The following FSTL5 variants were observed in gnomAD, a reference collection of about 807,000 sequenced individuals.
FSTL5 encodes the protein follistatin like 5.
In FSTL5, 62 loss-of-function variants were observed where a neutral mutation model predicts 89.1. The observed-to-expected ratio is 0.70, with a 90% CI of 0.57 to 0.86. FSTL5 has a LOEUF of 0.86. Among genes scored for constraint, FSTL5 ranks in the 40% least tolerant of loss-of-function variants. The probability of loss-of-function intolerance (pLI) is 0.00; values close to 1 mark genes in which losing one functional copy is unlikely to be tolerated. For synonymous variants in FSTL5, 383 were observed against 346.2 expected, an observed-to-expected ratio of 1.11 and a Z score of -1.18; for missense variants, 1,057 against 1,001.6, an observed-to-expected ratio of 1.06 and a Z score of -0.75.
In FSTL5 at chr4:161,701,851, C is replaced by T. The variant is rs117619775; in HGVS notation, c.728-45357G>A. On this transcript the variant is annotated intron_variant, in intron 6 of 15. Transcript: ENST00000306100. ...ATGAAACAGTTCAAAAATGGTTTTA[C>T]TTATGTTTTGATTCTTGATATAGTC... Among the ~76,000 whole-genome samples, 898 of 152,026 alleles carry T rather than the reference C, an allele frequency of 5.9e-3. 13 individuals are homozygous for T. Among genetic ancestry groups the T allele is most frequent in the South Asian group, 0.047 (225 of 4,822 alleles).
At chr4:162,060,383 T>A (rs1578995051) in intron 2 of FSTL5, among the ~76,000 whole-genome samples, 2 of 152,164 alleles carry the variant, frequency 1.3e-5, no homozygotes, top group South Asian at 4.1e-4. Flanking sequence ...ATGGTGATTC[T>A]ATTTCTCTAA....
chr4:161,411,590 G>C (rs939102592), intron 15 of FSTL5, among the ~76,000 whole-genome samples: 1 of 152,138 alleles, frequency 6.6e-6, no homozygotes, highest in African/African-American at 2.4e-5. Context: ...GAAACCATAT[G>C]ATCAGCTCAA....
intron 2 of FSTL5, among the ~76,000 whole-genome samples, chr4:162,103,756 A>T (rs545499332): frequency 6.6e-6 from 1 of 152,332 alleles, no homozygotes; most frequent in Admixed American, 6.5e-5. Context: ...CCCTAAGCAT[A>T]GCTGGGAAGG....
chr4:161,576,309 GA>G (rs768495599), intron 8 of FSTL5, among the ~76,000 whole-genome samples: 1 of 151,938 alleles, frequency 6.6e-6, no homozygotes, highest in Non-Finnish European at 1.5e-5. Flanking sequence ...CACGGAATTA[GA>G]AAAAAATACT....
chr4:162,057,052 A>G (rs189564762), intron 2 of FSTL5, among the ~76,000 whole-genome samples: 140 of 152,366 alleles, frequency 9.2e-4, no homozygotes, highest in African/African-American at 2.9e-3. Flanking sequence ...TGTTTCACAT[A>G]GAAAGGCCTG....
chr4:161,424,147 G>C (rs1226743437), intron 15 of FSTL5, among the ~76,000 whole-genome samples: 1 of 150,146 alleles, frequency 6.7e-6, no homozygotes, highest in Non-Finnish European at 1.5e-5. Context: ...AAAGTGCTGG[G>C]ATTACAGGCC....
intron 6 of FSTL5, among the ~76,000 whole-genome samples, chr4:161,756,952 C>T (rs1299023230): frequency 2.0e-5 from 3 of 152,118 alleles, no homozygotes; most frequent in African/African-American, 7.2e-5. Flanking sequence ...TTCTGTTAGT[C>T]AAGTCTATGT....
intron 3 of FSTL5, among the ~76,000 whole-genome samples, chr4:161,965,251 T>A (rs535769583): frequency 6.6e-6 from 1 of 152,244 alleles, no homozygotes; most frequent in South Asian, 2.1e-4. Flanking sequence ...CTCTGGACAC[T>A]TTTACAAGTT....
intron 3 of FSTL5, among the ~76,000 whole-genome samples, chr4:161,957,046 G>C (rs1735044392): frequency 6.6e-6 from 1 of 151,914 alleles, no homozygotes; most frequent in Non-Finnish European, 1.5e-5. Context: ...GGAAAAGTGA[G>C]TAGTTAGGTA....
At chr4:161,476,108 G>T in intron 13 of FSTL5, among the ~76,000 whole-genome samples, 1 of 142,722 alleles carries the variant, frequency 7.0e-6, no homozygotes, top group African/African-American at 2.6e-5. Flanking sequence ...TGAAGACTAA[G>T]CATTCAAATC....
chr4:161,744,033 T>C (rs1446081601), intron 6 of FSTL5, among the ~76,000 whole-genome samples: 1 of 152,184 alleles, frequency 6.6e-6, no homozygotes, highest in African/African-American at 2.4e-5. Context: ...TCAGTTATGC[T>C]CAACCAGTTG....
At chr4:162,079,471 G>A (rs1184636754) in intron 2 of FSTL5, among the ~76,000 whole-genome samples, 1 of 151,446 alleles carries the variant, frequency 6.6e-6, no homozygotes, top group East Asian at 1.9e-4. Context: ...TGAGCATGTG[G>A]GTTTCTATTA....
chr4:161,705,176 C>T (rs1738528176), intron 6 of FSTL5, among the ~76,000 whole-genome samples: 2 of 151,788 alleles, frequency 1.3e-5, no homozygotes. Context: ...ATTTGCAATT[C>T]TATGTTTATA....
At chr4:161,486,470 G>T (rs990725828) in intron 12 of FSTL5, among the ~76,000 whole-genome samples, 8 of 152,132 alleles carry the variant, frequency 5.3e-5, no homozygotes, top group Non-Finnish European at 1.0e-4. Flanking sequence ...GAAAACTTGT[G>T]GAAACACTGC....
At chr4:161,598,409 G>T (rs1031786438) in intron 7 of FSTL5, among the ~76,000 whole-genome samples, 1 of 122,790 alleles carries the variant, frequency 8.1e-6, no homozygotes, top group Non-Finnish European at 1.8e-5. Flanking sequence ...CAAACAAAAC[G>T]CATGTTTTTG....
intron 4 of FSTL5, among the ~76,000 whole-genome samples, chr4:161,858,367 T>C (rs1412270110): frequency 2.0e-5 from 3 of 152,144 alleles, no homozygotes; most frequent in Admixed American, 1.3e-4. Flanking sequence ...ACCTTGAAGG[T>C]CCTTGACTTA....
intron 4 of FSTL5, among the ~76,000 whole-genome samples, chr4:161,879,183 G>C (rs1428364866): frequency 3.3e-5 from 5 of 152,074 alleles, no homozygotes. Flanking sequence ...TGCCTCATTA[G>C]ACCTGTAGCA....
At chr4:161,886,462 C>G (rs981816753) in intron 4 of FSTL5, among the ~76,000 whole-genome samples, 2 of 152,110 alleles carry the variant, frequency 1.3e-5, no homozygotes, top group Non-Finnish European at 2.9e-5. Context: ...ACTCTCCACA[C>G]GAATTCATAT....
intron 7 of FSTL5, among the ~76,000 whole-genome samples, chr4:161,642,683 C>T: frequency 6.6e-6 from 1 of 152,110 alleles, no homozygotes. Context: ...AGGATATTAT[C>T]CTAAGTGAAA....
Sources: allele counts gnomAD v4.1 joint callset (sites outside exome capture counted in the v4.1 genomes callset), GRCh38; gene constraint gnomAD v4.1.1; transcripts MANE v1.5; gene names NCBI Gene and HGNC (gene_info 2026-07-23, HGNC 2026-07-21).